CNTNAP2: variants seen among roughly 807,000 people sequenced by gnomAD.
The protein encoded by CNTNAP2 is contactin-associated protein-like 2.
In CNTNAP2, 98 loss-of-function variants were observed where a neutral mutation model predicts 155.2. The ratio of observed to expected loss-of-function variants is 0.63; its 90% CI spans 0.54 to 0.75. The LOEUF (loss-of-function observed/expected upper bound fraction) is 0.75, where lower values mean the gene tolerates loss of function less well. Ranked by LOEUF, CNTNAP2 falls within the 30% of genes least tolerant of loss-of-function variation. CNTNAP2 has a pLI of 0.00. For synonymous variants in CNTNAP2, 651 were observed against 631.2 expected (o/e 1.03, Z -0.47); for missense variants, 1,727 against 1,688.1 (o/e 1.02, Z -0.40).
At chr7:147,339,529 T>G (rs941946622) in intron 9 of CNTNAP2, among the ~76,000 whole-genome samples, 9 of 152,134 alleles carry the variant, frequency 5.9e-5, no homozygotes, top group Non-Finnish European at 1.2e-4. Context: ...CAAATAAACT[T>G]TTCCCTCATA....
chr7:146,235,883 G>C (rs539123759), intron 1 of CNTNAP2, among the ~76,000 whole-genome samples: 1 of 151,810 alleles, frequency 6.6e-6, no homozygotes, highest in East Asian at 1.9e-4. Context: ...ACATAGACTT[G>C]TCTTATAACC....
chr7:147,760,072 C>T (rs1797276225), intron 13 of CNTNAP2, among the ~76,000 whole-genome samples: 1 of 152,158 alleles, frequency 6.6e-6, no homozygotes, highest in East Asian at 1.9e-4. Flanking sequence ...ACTAAATAAG[C>T]CCAAACCCTT....
At chr7:146,658,837 T>A (rs2129165444) in intron 1 of CNTNAP2, among the ~76,000 whole-genome samples, 1 of 152,274 alleles carries the variant, frequency 6.6e-6, no homozygotes, top group South Asian at 2.1e-4. Context: ...AACGAATGCC[T>A]CTATGGATTA....
intron 1 of CNTNAP2, among the ~76,000 whole-genome samples, chr7:146,666,232 G>T (rs1015430720): frequency 1.3e-5 from 2 of 152,024 alleles, no homozygotes; most frequent in Non-Finnish European, 2.9e-5. Flanking sequence ...CCATATTTGA[G>T]TGAGAATATG....
chr7:147,404,039 T>C (rs1584928376), intron 10 of CNTNAP2, among the ~76,000 whole-genome samples: 1 of 152,218 alleles, frequency 6.6e-6, no homozygotes. Context: ...GCATTTCTCT[T>C]ACTTTGGGAA....
At chr7:146,281,733 T>G (rs1204065633) in intron 1 of CNTNAP2, among the ~76,000 whole-genome samples, 4 of 151,712 alleles carry the variant, frequency 2.6e-5, no homozygotes, top group African/African-American at 9.7e-5. Context: ...AGGTGGAGGT[T>G]GCAGTGAGCC....
chr7:146,547,984 T>C (rs1241090462), intron 1 of CNTNAP2, among the ~76,000 whole-genome samples: 1 of 151,916 alleles, frequency 6.6e-6, no homozygotes, highest in Admixed American at 6.6e-5. Flanking sequence ...TTATTTTAAG[T>C]TCAGGGGTAC....
intron 1 of CNTNAP2, among the ~76,000 whole-genome samples, chr7:146,730,755 T>C (rs886958296): frequency 9.9e-5 from 15 of 152,176 alleles, no homozygotes; most frequent in African/African-American, 3.6e-4. Context: ...CTTAGTGAGT[T>C]TTTAATTCTC....
At position 146,337,726 on chromosome 7, in the gene CNTNAP2, C is replaced by T. The variant is rs536969124; in HGVS notation, c.97+220753C>T. On this transcript the variant is annotated intron_variant, in intron 1 of 23. Transcript: ENST00000361727. The stretch of plus-strand genomic sequence containing the variant: ...TTCAAGCGGTTCTCCTGCTTTCCAG[C>T]CTCCCAAAGTGCTGGGATTACAGGT... Among the ~76,000 whole-genome samples, 26 of 152,214 alleles carry T rather than the reference C, an allele frequency of 1.7e-4. No homozygotes were observed. The Middle Eastern group carries it at 0.014, about 80-fold the overall frequency.
intron 15 of CNTNAP2, among the ~76,000 whole-genome samples, chr7:147,988,905 G>A (rs1296858450): frequency 6.6e-6 from 1 of 152,190 alleles, no homozygotes; most frequent in African/African-American, 2.4e-5. Context: ...ACCTATTCCA[G>A]GATCAGCTCC....
intron 18 of CNTNAP2, among the ~76,000 whole-genome samples, chr7:148,206,674 C>T (rs111836203): frequency 6.6e-6 from 1 of 152,166 alleles, no homozygotes; most frequent in African/African-American, 2.4e-5. Flanking sequence ...ATAGGCAGGC[C>T]TCTCCCCAGA....
At chr7:146,136,383 C>A (rs1797797946) in intron 1 of CNTNAP2, among the ~76,000 whole-genome samples, 1 of 152,156 alleles carries the variant, frequency 6.6e-6, no homozygotes, top group African/African-American at 2.4e-5. Context: ...ATAATGGACT[C>A]ACAAGGGACC....
intron 3 of CNTNAP2, among the ~76,000 whole-genome samples, chr7:146,846,943 A>T (rs1339397443): frequency 6.9e-6 from 1 of 145,218 alleles, no homozygotes; most frequent in Non-Finnish European, 1.5e-5. Context: ...CCATGAAACA[A>T]GATTTGTTAT....
At chr7:146,495,293 T>C (rs529817130) in intron 1 of CNTNAP2, among the ~76,000 whole-genome samples, 2 of 152,298 alleles carry the variant, frequency 1.3e-5, no homozygotes, top group South Asian at 4.1e-4. Flanking sequence ...AAGCATACAT[T>C]ACATATTTGT....
chr7:147,472,663 G>T (rs968128930), intron 10 of CNTNAP2, among the ~76,000 whole-genome samples: 1 of 152,164 alleles, frequency 6.6e-6, no homozygotes, highest in Non-Finnish European at 1.5e-5. Flanking sequence ...AACTGGAGTG[G>T]CAGAGACACA....
intron 9 of CNTNAP2, among the ~76,000 whole-genome samples, chr7:147,360,008 T>G (rs1796121619): frequency 6.6e-6 from 1 of 152,176 alleles, no homozygotes; most frequent in Non-Finnish European, 1.5e-5. Context: ...AACTGCCACA[T>G]CTTTGGACAC....
At chr7:146,629,504 T>C (rs780775432) in intron 1 of CNTNAP2, among the ~76,000 whole-genome samples, 31 of 152,242 alleles carry the variant, frequency 2.0e-4, no homozygotes, top group Middle Eastern at 3.4e-3. Flanking sequence ...TCAACAATAT[T>C]TGTTATTGCC....
intron 15 of CNTNAP2, among the ~76,000 whole-genome samples, chr7:148,076,823 C>A (rs1361561408): frequency 6.6e-6 from 1 of 152,228 alleles, no homozygotes; most frequent in Admixed American, 6.5e-5. Context: ...AAAGCCTCTG[C>A]CTCCTACCAA....
chr7:147,086,912 CAAGTT>C (rs991095284), intron 4 of CNTNAP2, among the ~76,000 whole-genome samples: 1 of 152,178 alleles, frequency 6.6e-6, no homozygotes, highest in Non-Finnish European at 1.5e-5. Flanking sequence ...TCAACGAATT[CAAGTT>C]AAGTTTTACA....
Sources: gnomAD v4.1 joint callset for allele counts (sites outside exome capture counted in the v4.1 genomes callset) on GRCh38, gnomAD v4.1.1 for gene constraint, MANE v1.5 for transcripts, NCBI Gene and HGNC (gene_info 2026-07-23, HGNC 2026-07-21) for gene names.